The following SASH1 variants were observed in gnomAD, a reference collection of about 807,000 sequenced individuals.
SASH1 encodes SAM and SH3 domain-containing protein 1.
A neutral mutation model predicts 125.2 loss-of-function variants in SASH1; 44 were observed. That is an observed-to-expected ratio of 0.35 (90% CI 0.28 to 0.45). SASH1 has a LOEUF of 0.45. Among genes scored for constraint, SASH1 ranks in the 20% least tolerant of loss-of-function variants. The probability of loss-of-function intolerance (pLI) is 1.00; values close to 1 mark genes in which losing one functional copy is unlikely to be tolerated. For missense variants in SASH1, 1,426 were observed against 1,614.5 expected (o/e 0.88, Z 2.00); for synonymous variants, 639 against 649.1 (o/e 0.98, Z 0.24).
intron 2 of SASH1, among the ~76,000 whole-genome samples, chr6:148,408,139 C>CATTTTT (rs1193590685): frequency 2.2e-5 from 3 of 137,442 alleles, no homozygotes; most frequent in African/African-American, 8.0e-5. Context: ...GGGCATCTTT[C>CATTTTT]CTTTTTTTTT....
intron 1 of SASH1, among the ~76,000 whole-genome samples, chr6:148,300,102 A>G (rs1267194121): frequency 6.6e-6 from 1 of 152,196 alleles, no homozygotes; most frequent in Non-Finnish European, 1.5e-5. Flanking sequence ...TTACCATAAC[A>G]TGCTGTCAGA....
At chr6:148,448,115 AGTGTGT>A (rs34309514) in intron 4 of SASH1, among the ~76,000 whole-genome samples, 2 of 146,816 alleles carry the variant, frequency 1.4e-5, no homozygotes, top group Non-Finnish European at 3.0e-5. Flanking sequence ...CAGTGGAGAG[AGTGTGT>A]GTGTGTGTGT....
In SASH1 at chr6:148,551,787, A is replaced by G. The variant is rs1368189157; in HGVS notation, c.*3229A>G. ...ATTGCACTTTCTGTATATGAAATCA[A>G]TATTTAAATAACTTATTTTTCTCCA... is the stretch of plus-strand genomic sequence containing the variant. On this transcript the variant is annotated 3_prime_UTR_variant, in exon 20 of 20. Coordinates refer to ENST00000367467, the MANE Select transcript of SASH1 (RefSeq NM_015278.5). The G allele has an allele frequency of 2.0e-5, 3 of 152,686 alleles. No homozygotes were observed. The highest frequency in any genetic ancestry group is 7.2e-5 in the African/African-American group (3 of 41,468). 9.5% of individuals were successfully genotyped at this position (152,686 alleles called of 1,614,324 possible).
intron 1 of SASH1, among the ~76,000 whole-genome samples, chr6:148,356,608 T>C (rs541871123): frequency 2.0e-5 from 3 of 150,038 alleles, no homozygotes; most frequent in Admixed American, 6.7e-5. Context: ...TAGCTGGGAT[T>C]ACAGGCACCC....
At chr6:148,267,474 G>T (rs1310530558), upstream of SASH1, among the ~76,000 whole-genome samples, 1 of 151,770 alleles carries the variant, frequency 6.6e-6, no homozygotes, top group Non-Finnish European at 1.5e-5. Context: ...CACCTCCTGA[G>T]TTCAAGCAAT....
chr6:148,498,263 T>G (rs953134142), intron 8 of SASH1, among the ~76,000 whole-genome samples: 16 of 151,616 alleles, frequency 1.1e-4, no homozygotes, highest in South Asian at 2.1e-4. Flanking sequence ...AAAACAAATT[T>G]AGCTGGGCAT....
At chr6:148,525,159 C>T (rs1781064069) in intron 10 of SASH1, 132 bp from the exon 11 acceptor site, 6 of 686,024 alleles carry the variant, frequency 8.7e-6, no homozygotes, top group South Asian at 5.2e-5. Context: ...CATCATTTCT[C>T]GTTTTCTACT....
intron 1 of SASH1, among the ~76,000 whole-genome samples, chr6:148,362,200 T>G (rs1782258259): frequency 6.6e-6 from 1 of 150,956 alleles, no homozygotes; most frequent in South Asian, 2.1e-4. Context: ...GTGCTGGGAT[T>G]ACAGGCGTGA....
chr6:148,544,042 A>G lies in SASH1; in HGVS notation c.2572A>G (p.Thr858Ala), dbSNP rs773977732. ...TGAGCAAGACGTGCCTACCGAGGTG[A>G]CAGAACCGCCCCCTCAGATTGTACC... ...GAEQDVPTEV[T>A]EPPPQIVPEV... Residue 858 changes from threonine (T) to alanine (A), a missense_variant, in exon 18 of 20, where the codon ACA becomes GCA. Thr to Ala is a moderately conservative substitution (Grantham distance 58, BLOSUM62 0). Coordinates refer to ENST00000367467, the MANE Select transcript of SASH1 (RefSeq NM_015278.5). The surrounding 1 kb of genome is among the most constrained non-coding windows in gnomAD (Gnocchi z 6.4). The G allele has an allele frequency of 6.2e-7, 1 of 1,614,094 alleles. No homozygotes were observed. Among genetic ancestry groups the G allele is most frequent in the Non-Finnish European group, 8.5e-7 (1 of 1,180,024 alleles).
chr6:148,492,231 T>C (rs1468907343), intron 8 of SASH1, among the ~76,000 whole-genome samples: 2 of 152,220 alleles, frequency 1.3e-5, no homozygotes, highest in Non-Finnish European at 2.9e-5. Flanking sequence ...ATATAAGTAT[T>C]ATCAAGCATT....
At chr6:148,416,374 CTT>C (rs1369984283) in intron 2 of SASH1, among the ~76,000 whole-genome samples, 1 of 151,860 alleles carries the variant, frequency 6.6e-6, no homozygotes, top group Admixed American at 6.6e-5. Flanking sequence ...GCTGTACACT[CTT>C]TTTGAGGAAT....
At chr6:148,434,460 T>C (rs761938811) in intron 2 of SASH1, among the ~76,000 whole-genome samples, 2 of 152,202 alleles carry the variant, frequency 1.3e-5, no homozygotes, top group Admixed American at 6.5e-5. Context: ...CAGTGAGATA[T>C]ACTCTCAGCG....
At chr6:148,407,534 C>G (rs7770881) in intron 2 of SASH1, among the ~76,000 whole-genome samples, 24,381 of 152,124 alleles carry the variant, frequency 0.16, 2,400 homozygotes, top group African/African-American at 0.28. Flanking sequence ...CTGCTATGAA[C>G]ATGAGTGTAC....
intron 8 of SASH1, among the ~76,000 whole-genome samples, chr6:148,496,655 G>A (rs1779322830): frequency 6.6e-6 from 1 of 152,146 alleles, no homozygotes; most frequent in Non-Finnish European, 1.5e-5. Context: ...ACTTTGGGAC[G>A]CTGAGGCAGG....
upstream of SASH1, among the ~76,000 whole-genome samples, chr6:148,267,966 T>A (rs936565347): frequency 1.7e-4 from 26 of 152,170 alleles, no homozygotes; most frequent in African/African-American, 5.5e-4. Flanking sequence ...CTCAAAACCA[T>A]GTGAAACTTT....
chr6:148,272,304 G>A (rs1256611923), exon 1 of SASH1: 1 of 469,372 alleles, frequency 2.1e-6, no homozygotes, highest in Non-Finnish European at 4.4e-6. Context: ...CATGCGATCT[G>A]AGTCAGAGAG....
chr6:148,346,536 C>G (rs1781527178), intron 1 of SASH1, among the ~76,000 whole-genome samples: 1 of 150,686 alleles, frequency 6.6e-6, no homozygotes, highest in Non-Finnish European at 1.5e-5. Flanking sequence ...AGGGCAGGGT[C>G]AGTGTCTTAC....
chr6:148,448,982 T>C (rs1308987312), intron 4 of SASH1, among the ~76,000 whole-genome samples: 1 of 152,176 alleles, frequency 6.6e-6, no homozygotes, highest in Non-Finnish European at 1.5e-5. Flanking sequence ...AATCCTGTTT[T>C]TCAACTTCTA....
the SASH1 span, among the ~76,000 whole-genome samples, chr6:148,212,613 C>T: frequency 9.7e-4 from 148 of 152,102 alleles, no homozygotes; most frequent in African/African-American, 2.6e-3. Context: ...ATGGATGATG[C>T]GGGTGGTATT....
Sources: gnomAD v4.1 joint callset for allele counts (sites outside exome capture counted in the v4.1 genomes callset) on GRCh38, gnomAD v4.1.1 for gene constraint, Gnocchi (gnomAD v3.1) non-coding constraint, MANE v1.5 for transcripts, NCBI Gene and HGNC (gene_info 2026-07-23, HGNC 2026-07-21) for gene names.